MAP3K3: variants seen among roughly 807,000 people sequenced by gnomAD.
MAP3K3 encodes MAP/ERK kinase kinase 3.
MAP3K3 carries 12 observed loss-of-function variants against 80.9 expected under a neutral mutation model. That is an observed-to-expected ratio of 0.15 (90% CI 0.10 to 0.24). The LOEUF is 0.24. MAP3K3 is among the 10% of genes least tolerant of loss of function. The pLI is 1.00. For synonymous variants in MAP3K3, 272 were observed against 307.1 expected (o/e 0.89, Z 1.19); for missense variants, 596 against 834.7 (o/e 0.71, Z 3.52).
At chr17:63,656,735 T>C (rs1260939836) in intron 4 of MAP3K3, among the ~76,000 whole-genome samples, 1 of 152,222 alleles carries the variant, frequency 6.6e-6, no homozygotes, top group Admixed American at 6.5e-5. Context: ...GAGTGAGACT[T>C]ATTTGTACCC....
chr17:63,670,650 A>T (rs979378978), intron 6 of MAP3K3, among the ~76,000 whole-genome samples: 12 of 151,312 alleles, frequency 7.9e-5, no homozygotes, highest in African/African-American at 2.9e-4. Flanking sequence ...AAGGGATGGG[A>T]CCTGATCCTG....
intron 3 of MAP3K3, 24 bp from the exon 4 acceptor site, chr17:63,652,533 A>C (rs1441839231): frequency 1.9e-6 from 3 of 1,543,672 alleles, no homozygotes; most frequent in Middle Eastern, 1.7e-4. Flanking sequence ...CAATTAACCA[A>C]CCTTTCTTTC....
chr17:63,654,491 A>G (rs1173715130), intron 4 of MAP3K3, among the ~76,000 whole-genome samples: 1 of 151,896 alleles, frequency 6.6e-6, no homozygotes, highest in Admixed American at 6.6e-5. Flanking sequence ...GGTTGTTTTC[A>G]TTTTTTGGTG....
intron 2 of MAP3K3, among the ~76,000 whole-genome samples, chr17:63,639,162 A>T (rs1165682228): frequency 2.6e-5 from 4 of 152,312 alleles, no homozygotes; most frequent in African/African-American, 9.6e-5. Flanking sequence ...AGTAAGTGCT[A>T]TAGAAGGCCA....
At chr17:63,670,164 A>G (rs1246511700) in intron 6 of MAP3K3, among the ~76,000 whole-genome samples, 2 of 152,152 alleles carry the variant, frequency 1.3e-5, no homozygotes, top group East Asian at 3.8e-4. Context: ...GAAGCAAAAA[A>G]GACACAGGCC....
chr17:63,685,715 C>T, intron 8 of MAP3K3, 125 bp downstream of exon 8: 1 of 739,778 alleles, frequency 1.4e-6, no homozygotes, highest in South Asian at 1.5e-5. Context: ...AAGCCTTCTC[C>T]TTAATTTCCC....
intron 8 of MAP3K3, among the ~76,000 whole-genome samples, chr17:63,687,755 C>T (rs71377703): frequency 0.067 from 10,023 of 149,562 alleles, 712 homozygotes; most frequent in East Asian, 0.41. Context: ...TTTGGGAGGC[C>T]GAGGCGGGTG....
chr17:63,623,040 C>G (rs1476423907), intron 1 of MAP3K3, among the ~76,000 whole-genome samples: 3 of 151,166 alleles, frequency 2.0e-5, no homozygotes, highest in Non-Finnish European at 4.4e-5. Context: ...GGCGGCGGGA[C>G]CGAGGGCCCG....
chr17:63,650,977 T>C (rs2034644016), intron 3 of MAP3K3, among the ~76,000 whole-genome samples: 1 of 151,594 alleles, frequency 6.6e-6, no homozygotes, highest in African/African-American at 2.4e-5. Flanking sequence ...GCCCCCAAGA[T>C]TTTTTTTTAA....
rs1568154468 is a variant in MAP3K3, at chr17:63,689,027, A to G, written c.871+146A>G. On this transcript the variant is annotated intron_variant, in intron 10 of 15. Coordinates refer to ENST00000361733, the MANE Select transcript of MAP3K3 (RefSeq NM_002401.5). The surrounding 1 kb of genome is among the most constrained non-coding windows in gnomAD (Gnocchi z 4.3). ...AGACTTGAGGCATGGGAGACAGGAA[A>G]AAAACAAAAACAAAAACAGGGAAGA... 2 of 617,204 alleles carry G rather than the reference A, an allele frequency of 3.2e-6. No homozygotes were observed. Among genetic ancestry groups the G allele is most frequent in the East Asian group, 2.7e-5 (1 of 36,604 alleles). 38.2% of individuals were successfully genotyped at this position (617,204 alleles called of 1,614,324 possible).
chr17:63,638,753 G>T (rs944690522), intron 2 of MAP3K3, among the ~76,000 whole-genome samples: 8 of 152,164 alleles, frequency 5.3e-5, no homozygotes, highest in African/African-American at 1.9e-4. Context: ...ACACACAAAA[G>T]AAATGTATGT....
chr17:63,679,980 C>T (rs1724060989), intron 6 of MAP3K3, among the ~76,000 whole-genome samples: 1 of 152,178 alleles, frequency 6.6e-6, no homozygotes, highest in Non-Finnish European at 1.5e-5. Flanking sequence ...AGCCCAGGAG[C>T]TCAAGACTAG....
Position 63,689,586 on chromosome 17 carries a change from T to C in MAP3K3, c.914T>C (p.Leu305Ser). The C allele has an allele frequency of 1.2e-6, 2 of 1,613,870 alleles. No individual in the cohort carries two copies. Among genetic ancestry groups the C allele is most frequent in the Non-Finnish European group, 1.7e-6 (2 of 1,179,866 alleles). Residue 305 changes from leucine to serine, a missense_variant, in exon 11 of 16, where the codon TTG (leucine) becomes TCG (serine). Transcript: ENST00000361733. The surrounding 1 kb of genome is among the most constrained non-coding windows in gnomAD (Gnocchi z 4.3). ...CGAATACGGCGTCATCAAGGCAACT[T>C]GTTCACCCTGGTGCCCTCCAGCCGC... ...FPRIRRHQGN[L>S]FTLVPSSRSL...
chr17:63,654,593 G>T (rs570287624), intron 4 of MAP3K3, among the ~76,000 whole-genome samples: 4 of 152,274 alleles, frequency 2.6e-5, no homozygotes, highest in African/African-American at 9.6e-5. Flanking sequence ...GCGTGGAATT[G>T]CTGGGTCATA....
chr17:63,687,368 CT>C (rs1295588253), intron 8 of MAP3K3, among the ~76,000 whole-genome samples: 2 of 148,312 alleles, frequency 1.3e-5, no homozygotes, highest in Non-Finnish European at 3.0e-5. Context: ...AAAAAAATAG[CT>C]GGGCGTGGTG....
intron 4 of MAP3K3, among the ~76,000 whole-genome samples, chr17:63,654,883 A>G (rs919667691): frequency 1.3e-5 from 2 of 152,088 alleles, no homozygotes. Flanking sequence ...TGCTGATATA[A>G]AAATTAGCTG....
chr17:63,643,074 GAA>G (rs111874184), intron 2 of MAP3K3, among the ~76,000 whole-genome samples: 62 of 122,212 alleles, frequency 5.1e-4, no homozygotes, highest in African/African-American at 1.4e-3. Flanking sequence ...TTCTAAAAAT[GAA>G]AAAAAAAAAA....
At chr17:63,645,908 C>A in intron 2 of MAP3K3, 126 bp from the exon 3 acceptor site, 1 of 704,996 alleles carries the variant, frequency 1.4e-6, no homozygotes, top group Non-Finnish European at 2.6e-6. Flanking sequence ...GGAAGAGAAG[C>A]TGGACCAGGA....
At chr17:63,629,008 A>G (rs545700684) in intron 1 of MAP3K3, among the ~76,000 whole-genome samples, 2 of 152,274 alleles carry the variant, frequency 1.3e-5, no homozygotes, top group Admixed American at 1.3e-4. Context: ...TCTCCATTTT[A>G]CAGATGAGGA....
Sources: gnomAD v4.1 joint callset for allele counts (sites outside exome capture counted in the v4.1 genomes callset) on GRCh38, gnomAD v4.1.1 for gene constraint, Gnocchi (gnomAD v3.1) non-coding constraint, MANE v1.5 for transcripts, NCBI Gene and HGNC (gene_info 2026-07-23, HGNC 2026-07-21) for gene names.